POC5: variants seen among roughly 807,000 people sequenced by gnomAD.
POC5 encodes POC5 centriolar protein, also known as centrosomal protein POC5.
In POC5, 48 loss-of-function variants were observed where a neutral mutation model predicts 62.9. The ratio of observed to expected loss-of-function variants is 0.76; its 90% CI spans 0.61 to 0.97. POC5 has a LOEUF of 0.97. Among genes scored for constraint, POC5 ranks in the 50% least tolerant of loss-of-function variants. The probability of loss-of-function intolerance (pLI) is 0.00; values close to 1 mark genes in which losing one functional copy is unlikely to be tolerated. For synonymous variants in POC5, 236 were observed against 228.2 expected (o/e 1.03, Z -0.31); for missense variants, 696 against 679.5 (o/e 1.02, Z -0.27).
intron 1 of POC5, among the ~76,000 whole-genome samples, chr5:75,716,327 T>C (rs1475005256): frequency 1.4e-5 from 2 of 138,388 alleles, no homozygotes; most frequent in Non-Finnish European, 3.0e-5. Context: ...ACTTGGTCCA[T>C]TTATATTTTT....
In POC5 at chr5:75,690,470, C is replaced by G. The variant is rs745837144; in HGVS notation, c.888G>C (p.Trp296Cys). ...KVWRSVVQKQ[W>C]KDVVERACQA... is the part of the protein sequence containing the mutation. ...GACAAGCTCTTTCTACCACATCTTT[C>G]CACTGCTTTTGCACTACGGAACGCC... Residue 296 changes from tryptophan to cysteine, a missense_variant, in exon 8 of 12, where the codon TGG becomes TGC. Trp to Cys is a radical substitution (Grantham distance 215). Transcript: ENST00000428202. 2 of 1,611,222 alleles carry G rather than the reference C, an allele frequency of 1.2e-6. No individual in the cohort carries two copies.
rs112342188 is a variant in POC5 at position 75,704,623 on chromosome 5, C to T, written c.307+1081G>A. ...ACTAGATCTGTACTCACAAAGAAAG[C>T]GATAGACTCTGCTTTTCAATTTAAA... On this transcript the variant is annotated intron_variant, in intron 4 of 11. Transcript: ENST00000428202. 6.2e-4 allele frequency among the ~76,000 whole-genome samples: 95 copies of T among 152,162 alleles called. 1 individual carries two copies. Among genetic ancestry groups the T allele is most frequent in the African/African-American group, 2.0e-3 (84 of 41,510 alleles).
intron 9 of POC5, among the ~76,000 whole-genome samples, chr5:75,688,319 C>T (rs145435864): frequency 1.1e-4 from 17 of 152,104 alleles, no homozygotes; most frequent in African/African-American, 3.6e-4. Context: ...ACAAGAAGCC[C>T]CTAGGAAGCA....
chr5:75,712,966 G>A lies in POC5; in HGVS notation c.-14-15C>T, dbSNP rs1465470629. ...GCACAAATGCTCTAAAACAGTAGAA[G>A]CTAACTTTAGCTTTTTTCCTTGATA... On this transcript the variant is annotated splice_polypyrimidine_tract_variant and intron_variant, in intron 1 of 11. Transcript: ENST00000428202. The A allele has an allele frequency of 3.2e-6, 5 of 1,539,940 alleles. No individual in the cohort carries two copies. The highest frequency in any genetic ancestry group is 3.7e-5 in the Admixed American group (2 of 53,348).
chr5:75,674,290 G>T lies in POC5; in HGVS notation c.*145C>A. On this transcript the variant is annotated 3_prime_UTR_variant, in exon 12 of 12. Transcript: ENST00000428202. ...ACATATAGTTACAAAGCATGGTAGA[G>T]CTTGAAAAAGCCTCTTGTAATTTTG... 2.8e-6 allele frequency: 2 copies of T among 716,974 alleles called. No homozygotes were observed. The highest frequency in any genetic ancestry group is 4.3e-6 in the Non-Finnish European group (2 of 462,248). The allele number at this position is 716,974 out of a possible 1,614,324, so 44.4% of individuals were successfully genotyped here. A position where few individuals can be genotyped will look rare whatever the true frequency, so the allele number is the denominator to read the frequency against.
intron 2 of POC5, among the ~76,000 whole-genome samples, chr5:75,711,635 G>C (rs1423769455): frequency 2.6e-5 from 4 of 152,060 alleles, no homozygotes; most frequent in Non-Finnish European, 4.4e-5. Context: ...GAAACCCAAA[G>C]TAATAACACT....
intron 1 of POC5, among the ~76,000 whole-genome samples, chr5:75,715,095 G>A (rs530350586): frequency 4.6e-5 from 7 of 152,102 alleles, no homozygotes; most frequent in African/African-American, 1.2e-4. Context: ...GGAGGATTAC[G>A]AGGTCAGGAG....
At chr5:75,690,349 T>C (rs1340968353) in intron 8 of POC5, 34 bp downstream of exon 8, 1 of 1,553,718 alleles carries the variant, frequency 6.4e-7, no homozygotes. Flanking sequence ...TTTATTGTAT[T>C]AGAAGAAAGT....
intron 10 of POC5, among the ~76,000 whole-genome samples, chr5:75,681,828 A>G (rs1170711602): frequency 1.3e-5 from 2 of 152,100 alleles, no homozygotes; most frequent in Non-Finnish European, 2.9e-5. Context: ...AAGATAACCA[A>G]GCCAGGATTG....
At chr5:75,700,451 A>G (rs1776820668) in intron 5 of POC5, among the ~76,000 whole-genome samples, 1 of 152,022 alleles carries the variant, frequency 6.6e-6, no homozygotes, top group Non-Finnish European at 1.5e-5. Context: ...CAAACCTGAG[A>G]AAAACAAGCA....
intron 8 of POC5, 39 bp from the exon 9 acceptor site, chr5:75,689,204 TAC>T (rs1561466988): frequency 6.7e-7 from 1 of 1,497,270 alleles, no homozygotes; most frequent in Admixed American, 2.4e-5. Flanking sequence ...CAATTTGAGA[TAC>T]AAAGAAGAAT....
intron 7 of POC5, 116 bp from the exon 8 acceptor site, chr5:75,690,678 A>G: frequency 1.1e-6 from 1 of 890,660 alleles, no homozygotes; most frequent in Non-Finnish European, 1.7e-6. Context: ...AATTCTATGT[A>G]ATCATATTAT....
chr5:75,684,809 AT>A (rs11289708), intron 10 of POC5, among the ~76,000 whole-genome samples: 36,802 of 148,828 alleles, frequency 0.25, 4,699 homozygotes, highest in South Asian at 0.32. Context: ...AATACCACAG[AT>A]TTTTTTTTTC....
intron 8 of POC5, 67 bp from the exon 9 acceptor site, chr5:75,689,232 GATAT>G: frequency 7.0e-7 from 1 of 1,430,168 alleles, no homozygotes; most frequent in East Asian, 2.5e-5. Context: ...CAAAAAAATA[GATAT>G]ATACTTTGAG....
At position 75,677,790 on chromosome 5, in the gene POC5, T is replaced by C. The variant is rs1335447939; in HGVS notation, c.1568A>G (p.His523Arg). The C allele has an allele frequency of 6.2e-7, 1 of 1,608,698 alleles. No individual in the cohort carries two copies. Among genetic ancestry groups the C allele is most frequent in the Admixed American group, 1.7e-5 (1 of 59,100 alleles). The change falls in exon 11 of 12, where the codon CAT (histidine) becomes CGT (arginine). Residue 523 changes from histidine to arginine, a missense_variant. Physicochemically the swap from His to Arg is conservative, Grantham distance 29 (BLOSUM62 0). Transcript: ENST00000428202. ...TGGACTCACCACTGTGACTGGATGA[T>C]GTTTTTCCACAACAACTGAGCTCAT... The part of the protein sequence containing the change: ...PPMSSVVVEK[H>R]HPVTVQTIPQ...
chr5:75,685,593 A>G, intron 9 of POC5, 109 bp from the exon 10 acceptor site: 1 of 1,056,456 alleles, frequency 9.5e-7, no homozygotes, highest in East Asian at 2.4e-5. Flanking sequence ...ACAAAAATTT[A>G]GATGTTTACA....
intron 5 of POC5, among the ~76,000 whole-genome samples, chr5:75,699,374 T>A (rs1255095212): frequency 2.0e-5 from 3 of 152,006 alleles, no homozygotes; most frequent in African/African-American, 2.4e-5. Flanking sequence ...TCCACCATGA[T>A]CAAGTGGGCT....
At chr5:75,713,377 A>C (rs1428915402) in intron 1 of POC5, among the ~76,000 whole-genome samples, 1 of 152,272 alleles carries the variant, frequency 6.6e-6, no homozygotes, top group Non-Finnish European at 1.5e-5. Flanking sequence ...GAACAACAGA[A>C]TCAAATATAT....
chr5:75,704,384 GT>G (rs1330279354), intron 4 of POC5, among the ~76,000 whole-genome samples: 1 of 152,016 alleles, frequency 6.6e-6, no homozygotes, highest in Non-Finnish European at 1.5e-5. Context: ...TAAGATTTTA[GT>G]TTTTTTGCAA....
Sources: allele counts gnomAD v4.1 joint callset (sites outside exome capture counted in the v4.1 genomes callset), GRCh38; gene constraint gnomAD v4.1.1; transcripts MANE v1.5; gene names NCBI Gene and HGNC (gene_info 2026-07-23, HGNC 2026-07-21).